MAD1L1: variants seen among roughly 807,000 people sequenced by gnomAD.
MAD1L1 encodes the protein mitotic arrest deficient 1 like 1.
A neutral mutation model predicts 96.9 loss-of-function variants in MAD1L1; 95 were observed. That is an observed-to-expected ratio of 0.98 (90% CI 0.83 to 1.16). MAD1L1 has a LOEUF of 1.16. MAD1L1 is among the 50% of genes most tolerant of loss of function. The probability of loss-of-function intolerance (pLI) is 0.00; values close to 1 mark genes in which losing one functional copy is unlikely to be tolerated. For missense variants in MAD1L1, 1,007 were observed against 954.4 expected, an observed-to-expected ratio of 1.06 and a Z score of -0.73; for synonymous variants, 473 against 396.6, an observed-to-expected ratio of 1.19 and a Z score of -2.29.
Position 2,097,420 on chromosome 7 carries a change from G to A in MAD1L1, c.1074-28082C>T, listed in dbSNP as rs1039226654. ...GGGGGCCAGAGCCGGGACACCTGGG[G>A]AGGGGGTCTCACTCCGCCCAGGCCT... On this transcript the variant is annotated intron_variant, in intron 11 of 18. Transcript: ENST00000265854. Among the ~76,000 whole-genome samples, 12 of 152,286 alleles carry A rather than the reference G, an allele frequency of 7.9e-5. No homozygotes were observed. In the East Asian group the frequency reaches 2.1e-3, roughly 27 times the overall value.
At chr7:1,978,615 C>T (rs901788140) in intron 15 of MAD1L1, among the ~76,000 whole-genome samples, 3 of 152,146 alleles carry the variant, frequency 2.0e-5, no homozygotes, top group African/African-American at 7.2e-5. Context: ...CCCCACCCCA[C>T]ACCCACACTC....
chr7:1,876,510 T>C (rs1465107472), intron 18 of MAD1L1, among the ~76,000 whole-genome samples: 2 of 151,928 alleles, frequency 1.3e-5, no homozygotes, highest in Non-Finnish European at 2.9e-5. Context: ...ACTTGAATGA[T>C]TGCAGCTAAA....
At chr7:2,095,720 G>A (rs1033277244) in intron 11 of MAD1L1, among the ~76,000 whole-genome samples, 6 of 152,356 alleles carry the variant, frequency 3.9e-5, no homozygotes, top group Non-Finnish European at 5.9e-5. Context: ...ACACACAGGC[G>A]CACAAGGCTC....
rs1324095194 is a variant in MAD1L1, at chr7:1,980,507, G to T, written c.1451C>A (p.Ser484Tyr). 6.2e-7 allele frequency: 1 copy of T among 1,604,068 alleles called. No individual in the cohort carries two copies. Among genetic ancestry groups the T allele is most frequent in the East Asian group, 2.3e-5 (1 of 42,724 alleles). Residue 484 changes from serine (S) to tyrosine (Y), a missense_variant, in exon 15 of 19, where the codon TCC becomes TAC. Physicochemically the swap from Ser to Tyr is moderately radical, Grantham distance 144 (BLOSUM62 -2). Coordinates refer to ENST00000265854, the MANE Select transcript of MAD1L1 (RefSeq NM_001013836.2). ...CAGGAAGCTCTGTTCGGCAGAGCTGGACTGAGACTTCAGCATCTTCAGCTC... is the reference window on the plus strand; with the variant it reads ...CAGGAAGCTCTGTTCGGCAGAGCTGTACTGAGACTTCAGCATCTTCAGCTC... Reference protein sequence around the residue: ...EMELKMLKSQSSSAEQSFLFS... With the variant: ...EMELKMLKSQYSSAEQSFLFS...
intron 5 of MAD1L1, among the ~76,000 whole-genome samples, chr7:2,220,505 A>C (rs1793542473): frequency 6.6e-6 from 1 of 152,234 alleles, no homozygotes; most frequent in Non-Finnish European, 1.5e-5. Context: ...TAACACACGG[A>C]AACACACGGG....
chr7:2,015,232 C>T (rs1279118599), intron 12 of MAD1L1, among the ~76,000 whole-genome samples: 1 of 152,224 alleles, frequency 6.6e-6, no homozygotes, highest in African/African-American at 2.4e-5. Context: ...CGTCCAACCG[C>T]CCAGGGCTCT....
At chr7:2,124,814 G>A (rs988220226) in intron 11 of MAD1L1, among the ~76,000 whole-genome samples, 1 of 152,218 alleles carries the variant, frequency 6.6e-6, no homozygotes, top group African/African-American at 2.4e-5. Context: ...GCCAAGCACG[G>A]TGACATCACA....
At chr7:2,074,245 C>T (rs975918191) in intron 11 of MAD1L1, among the ~76,000 whole-genome samples, 8 of 152,154 alleles carry the variant, frequency 5.3e-5, no homozygotes, top group African/African-American at 1.9e-4. Context: ...AAAGAAGCCA[C>T]GCGTGTGGCA....
intron 18 of MAD1L1, among the ~76,000 whole-genome samples, chr7:1,887,157 G>A (rs114285042): frequency 0.016 from 2,506 of 152,396 alleles, 62 homozygotes; most frequent in African/African-American, 0.058. Flanking sequence ...TCTGGATCCA[G>A]ATCACAGAAG....
chr7:1,844,173 C>T (rs184181539), intron 18 of MAD1L1: 693 of 154,716 alleles, frequency 4.5e-3, no homozygotes, highest in Non-Finnish European at 7.8e-3. Context: ...AGCCACAGAA[C>T]GGCCTGCCAG....
intron 15 of MAD1L1, among the ~76,000 whole-genome samples, chr7:1,967,221 TCC>T (rs967148372): frequency 4.6e-5 from 7 of 152,002 alleles, no homozygotes; most frequent in African/African-American, 1.7e-4. Flanking sequence ...GTACTCTAAT[TCC>T]CAGAGCAAAC....
intron 11 of MAD1L1, among the ~76,000 whole-genome samples, chr7:2,096,131 G>A (rs1584309463): frequency 2.0e-5 from 3 of 152,230 alleles, no homozygotes; most frequent in South Asian, 2.1e-4. Context: ...CAGAGCACAC[G>A]ACGCCACACA....
intron 18 of MAD1L1, among the ~76,000 whole-genome samples, chr7:1,830,082 G>A (rs1468139875): frequency 6.6e-6 from 1 of 152,158 alleles, no homozygotes; most frequent in African/African-American, 2.4e-5. Context: ...CAGACAGAAG[G>A]AAAATGAGGA....
At chr7:2,213,413 T>A (rs1793088825) in intron 9 of MAD1L1, 140 bp from the exon 10 acceptor site, 2 of 756,254 alleles carry the variant, frequency 2.6e-6, no homozygotes, top group South Asian at 3.1e-5. Flanking sequence ...CGCTACATGC[T>A]CCAAGTCTGC....
chr7:1,989,226 G>A (rs1365400660), intron 14 of MAD1L1, among the ~76,000 whole-genome samples: 1 of 152,182 alleles, frequency 6.6e-6, no homozygotes, highest in Non-Finnish European at 1.5e-5. Context: ...AACGAAACGT[G>A]GAAAATTTCA....
chr7:1,869,351 C>T (rs73046370), intron 18 of MAD1L1, among the ~76,000 whole-genome samples: 4,664 of 152,228 alleles, frequency 0.031, 147 homozygotes, highest in Admixed American at 0.076. Flanking sequence ...TCTTAGCTCT[C>T]CCTGAACTCC....
chr7:1,941,829 G>A (rs930677999), intron 16 of MAD1L1, among the ~76,000 whole-genome samples: 3 of 152,162 alleles, frequency 2.0e-5, no homozygotes, highest in East Asian at 3.9e-4. Context: ...AACTGGTGGC[G>A]TGGAGAACCC....
intron 16 of MAD1L1, among the ~76,000 whole-genome samples, chr7:1,939,408 GATTC>G (rs754943008): frequency 1.6e-4 from 25 of 152,256 alleles, no homozygotes; most frequent in Non-Finnish European, 2.2e-4. Context: ...CAAGTGCTGA[GATTC>G]TGCAGCTTGT....
chr7:2,118,307 G>T (rs997564954), intron 11 of MAD1L1, among the ~76,000 whole-genome samples: 2 of 119,580 alleles, frequency 1.7e-5, no homozygotes, highest in African/African-American at 6.4e-5. Flanking sequence ...CCTGACACAC[G>T]CAGGACGTGG....
Sources: gnomAD v4.1 joint callset for allele counts (sites outside exome capture counted in the v4.1 genomes callset) on GRCh38, gnomAD v4.1.1 for gene constraint, MANE v1.5 for transcripts, NCBI Gene and HGNC (gene_info 2026-07-23, HGNC 2026-07-21) for gene names.